Variants in OXCT1 observed in about 807,000 individuals in gnomAD.
OXCT1 encodes succinyl-CoA:3-ketoacid coenzyme A transferase 1, mitochondrial.
In OXCT1, 27 loss-of-function variants were observed where a neutral mutation model predicts 69.6. The observed-to-expected ratio is 0.39, with a 90% CI of 0.29 to 0.54. OXCT1 has a LOEUF of 0.54. OXCT1 is among the 20% of genes least tolerant of loss of function. The probability of loss-of-function intolerance (pLI) is 0.72; values close to 1 mark genes in which losing one functional copy is unlikely to be tolerated. For synonymous variants in OXCT1, 202 were observed against 217.8 expected (o/e 0.93, Z 0.64); for missense variants, 437 against 650.2 (o/e 0.67, Z 3.57).
intron 13 of OXCT1, among the ~76,000 whole-genome samples, chr5:41,772,712 A>C (rs1261229263): frequency 6.6e-6 from 1 of 152,234 alleles, no homozygotes; most frequent in Non-Finnish European, 1.5e-5. Flanking sequence ...CATTCACAGC[A>C]AATTGATAAC....
At chr5:41,759,238 T>A (rs1365277867) in intron 14 of OXCT1, among the ~76,000 whole-genome samples, 1 of 152,100 alleles carries the variant, frequency 6.6e-6, no homozygotes, top group Non-Finnish European at 1.5e-5. Flanking sequence ...GTCACTTTCC[T>A]GGATAAGCTT....
intron 13 of OXCT1, among the ~76,000 whole-genome samples, chr5:41,776,140 C>A (rs1241616267): frequency 6.6e-6 from 1 of 152,176 alleles, no homozygotes; most frequent in East Asian, 1.9e-4. Context: ...TCTAAAAACC[C>A]ATAACCCACA....
chr5:41,791,886 C>G (rs1256596992), intron 13 of OXCT1, among the ~76,000 whole-genome samples: 9 of 152,148 alleles, frequency 5.9e-5, no homozygotes, highest in Non-Finnish European at 1.2e-4. Flanking sequence ...TCACTGCAAG[C>G]TCCGCCTCCC....
In OXCT1 at chr5:41,843,656, T is replaced by C. The variant is rs1375151241; in HGVS notation, c.565-875A>G. 2.6e-5 allele frequency: 12 copies of C among 453,692 alleles called. No homozygotes were observed. In the Admixed American group the frequency reaches 2.8e-4, roughly 11 times the overall value. The allele number at this position is 453,692 out of a possible 1,614,324, so 28.1% of individuals were successfully genotyped here. Reference sequence around the variant, plus strand: ...TGCCACACTCCATCACTGCACAAAATGGAGCCATGTGAATGTAGAACTCCA... The same window carrying C: ...TGCCACACTCCATCACTGCACAAAACGGAGCCATGTGAATGTAGAACTCCA... On this transcript the variant is annotated intron_variant, in intron 5 of 16. Coordinates refer to ENST00000196371, the MANE Select transcript of OXCT1 (RefSeq NM_000436.4).
At chr5:41,782,480 C>G (rs1745456206) in intron 13 of OXCT1, among the ~76,000 whole-genome samples, 1 of 152,150 alleles carries the variant, frequency 6.6e-6, no homozygotes, top group Admixed American at 6.5e-5. Context: ...CCCCAAAGTG[C>G]TGGGATTACA....
At chr5:41,744,264 CTGTT>C (rs1366726462) in intron 15 of OXCT1, among the ~76,000 whole-genome samples, 1 of 152,102 alleles carries the variant, frequency 6.6e-6, no homozygotes, top group Non-Finnish European at 1.5e-5. Context: ...ATTTGGCTCT[CTGTT>C]TGTTATTGGT....
At position 41,731,223 on chromosome 5, in the gene OXCT1, G is replaced by T; in HGVS notation, c.*506C>A. ...TGGGCATCTGTTTAAAAGCAGTATGGGAGGAAGGGGGATGTTCTAGGGGGA... is the reference window on the plus strand; with the variant it reads ...TGGGCATCTGTTTAAAAGCAGTATGTGAGGAAGGGGGATGTTCTAGGGGGA... On this transcript the variant is annotated 3_prime_UTR_variant, in exon 17 of 17. Coordinates refer to ENST00000196371, the MANE Select transcript of OXCT1 (RefSeq NM_000436.4). 1 of 222,424 alleles carries T rather than the reference G, an allele frequency of 4.5e-6. No homozygotes were observed. Among genetic ancestry groups the T allele is most frequent in the Non-Finnish European group, 7.8e-6 (1 of 128,920 alleles). 13.8% of individuals were successfully genotyped at this position (222,424 alleles called of 1,614,324 possible).
At chr5:41,772,338 A>G (rs1025510182) in intron 13 of OXCT1, among the ~76,000 whole-genome samples, 6 of 151,810 alleles carry the variant, frequency 4.0e-5, no homozygotes, top group African/African-American at 1.5e-4. Flanking sequence ...GCCATCACTG[A>G]CAGGTGGATG....
At chr5:41,736,200 G>T (rs1410543806) in intron 16 of OXCT1, among the ~76,000 whole-genome samples, 6 of 152,236 alleles carry the variant, frequency 3.9e-5, no homozygotes, top group Admixed American at 3.9e-4. Flanking sequence ...TTCTCTAGCT[G>T]TAAACAGCTC....
intron 14 of OXCT1, among the ~76,000 whole-genome samples, chr5:41,760,790 T>C (rs978912619): frequency 6.6e-6 from 1 of 152,128 alleles, no homozygotes. Flanking sequence ...CTGGTACCAT[T>C]TCTATTATTC....
At chr5:41,851,079 T>C (rs1749152499) in intron 4 of OXCT1, among the ~76,000 whole-genome samples, 2 of 152,322 alleles carry the variant, frequency 1.3e-5, no homozygotes, top group Non-Finnish European at 2.9e-5. Context: ...AAGGATCACT[T>C]GAGGCCAGGA....
chr5:41,747,383 A>G (rs1743549752), intron 15 of OXCT1, among the ~76,000 whole-genome samples: 1 of 151,984 alleles, frequency 6.6e-6, no homozygotes. Flanking sequence ...GAGGCTCACC[A>G]TTCAATCCAG....
At position 41,850,105 on chromosome 5, in the gene OXCT1, G is replaced by A; in HGVS notation, c.489C>T (p.Thr163=). The A allele has an allele frequency of 2.5e-6, 4 of 1,613,866 alleles. 1 individual carries two copies. The South Asian group carries it at 4.4e-5, about 18-fold the overall frequency. Reference sequence around the variant, plus strand: ...TGGGCGATCCTCCTTCTTGTACCAGGGTCCCATACCCTGTTGGGGTGTAAA... The same window carrying A: ...TGGGCGATCCTCCTTCTTGTACCAGAGTCCCATACCCTGTTGGGGTGTAAA... ...PAFYTPTGYG[T]LVQEGGSPIK... Residue 163 remains threonine, a synonymous_variant, in exon 5 of 17, where the codon ACC becomes ACT. Transcript: ENST00000196371.
intron 6 of OXCT1, 116 bp downstream of exon 6, chr5:41,842,559 T>C (rs1748678907): frequency 1.3e-6 from 1 of 791,220 alleles, no homozygotes. Flanking sequence ...GCAATACACA[T>C]GGGCATGTAT....
chr5:41,819,396 G>A (rs1747423050), intron 7 of OXCT1, among the ~76,000 whole-genome samples: 2 of 151,958 alleles, frequency 1.3e-5, no homozygotes, highest in Admixed American at 1.3e-4. Context: ...CAGGGGGATG[G>A]AGTTTCACTC....
At chr5:41,736,150 T>C (rs1242594676) in intron 16 of OXCT1, among the ~76,000 whole-genome samples, 1 of 152,250 alleles carries the variant, frequency 6.6e-6, no homozygotes, top group African/African-American at 2.4e-5. Flanking sequence ...CCTATCGTCA[T>C]AGCATCTACA....
At chr5:41,841,381 A>T (rs1160644990) in intron 6 of OXCT1, among the ~76,000 whole-genome samples, 1 of 152,188 alleles carries the variant, frequency 6.6e-6, no homozygotes, top group Non-Finnish European at 1.5e-5. Flanking sequence ...GTTAGATCCC[A>T]CCAGACATCC....
chr5:41,870,401 C>T lies in OXCT1; in HGVS notation c.-43G>A. On this transcript the variant is annotated 5_prime_UTR_variant, in exon 1 of 17. Coordinates refer to ENST00000196371, the MANE Select transcript of OXCT1 (RefSeq NM_000436.4). The surrounding 1 kb of genome is among the most constrained non-coding windows in gnomAD (Gnocchi z 4.2). The stretch of plus-strand genomic sequence containing the variant: ...GGAGGAGGCTGCGGGTTGGAGCGCG[C>T]GTTTGAGCGTCGGTGCGCGACTGCG... 3 of 1,495,060 alleles carry T rather than the reference C, an allele frequency of 2.0e-6. No homozygotes were observed. The highest frequency in any genetic ancestry group is 1.4e-5 in the African/African-American group (1 of 72,612). 92.6% of individuals were successfully genotyped at this position (1,495,060 alleles called of 1,614,324 possible). A position where few individuals can be genotyped will look rare whatever the true frequency, so the allele number is the denominator to read the frequency against.
At chr5:41,846,547 T>C (rs867833874) in intron 5 of OXCT1, among the ~76,000 whole-genome samples, 58 of 151,072 alleles carry the variant, frequency 3.8e-4, no homozygotes, top group African/African-American at 1.4e-3. Flanking sequence ...GACATTTGGG[T>C]TGGTTCCAAG....
Sources: gnomAD v4.1 joint callset for allele counts (sites outside exome capture counted in the v4.1 genomes callset) on GRCh38, gnomAD v4.1.1 for gene constraint, Gnocchi (gnomAD v3.1) non-coding constraint, MANE v1.5 for transcripts, NCBI Gene and HGNC (gene_info 2026-07-23, HGNC 2026-07-21) for gene names.